Variants in PDE10A observed in about 807,000 individuals in gnomAD.
The protein encoded by PDE10A is phosphodiesterase 10A, also known as cAMP and cAMP-inhibited cGMP 3',5'-cyclic phosphodiesterase 10A.
Under a neutral mutation model 97.7 loss-of-function variants are expected in PDE10A, and 39 were observed. The observed-to-expected ratio is 0.40, with a 90% CI of 0.31 to 0.52. The LOEUF is 0.52. Ranked by LOEUF, PDE10A falls within the 20% of genes least tolerant of loss-of-function variation. The pLI is 0.56. For synonymous variants in PDE10A, 371 were observed against 376.8 expected, an observed-to-expected ratio of 0.98 and a Z score of 0.18; for missense variants, 731 against 1,047.8, an observed-to-expected ratio of 0.70 and a Z score of 4.17.
chr6:165,681,394 ATGTGTGTGTGTGTG>A (rs145137771), intron 1 of PDE10A, among the ~76,000 whole-genome samples: 2 of 150,482 alleles, frequency 1.3e-5, no homozygotes, highest in Non-Finnish European at 3.0e-5. Flanking sequence ...TCTTGGGAAA[ATGTGTGTGTGTGTG>A]TGTGTGTGTG....
chr6:165,476,056 A>G (rs373085268), intron 3 of PDE10A, among the ~76,000 whole-genome samples: 1 of 152,190 alleles, frequency 6.6e-6, no homozygotes, highest in African/African-American at 2.4e-5. Context: ...TGAATAGTAA[A>G]CAGACATAAG....
At chr6:165,354,340 A>C (rs1032226574) in intron 18 of PDE10A, among the ~76,000 whole-genome samples, 1 of 152,198 alleles carries the variant, frequency 6.6e-6, no homozygotes, top group Non-Finnish European at 1.5e-5. Context: ...AACAACCAGC[A>C]GTGGAGGCAA....
At chr6:165,873,800 A>C (rs1480003677) in intron 1 of PDE10A, among the ~76,000 whole-genome samples, 1 of 152,230 alleles carries the variant, frequency 6.6e-6, no homozygotes, top group Non-Finnish European at 1.5e-5. Context: ...ACTCACTGAA[A>C]CACATACTAT....
At chr6:165,939,228 C>T (rs2128492246) in intron 1 of PDE10A, among the ~76,000 whole-genome samples, 1 of 152,302 alleles carries the variant, frequency 6.6e-6, no homozygotes, top group African/African-American at 2.4e-5. Flanking sequence ...TCTCCAAAAC[C>T]TCTTGTTCTT....
chr6:165,525,134 C>T (rs1029846995), intron 2 of PDE10A, among the ~76,000 whole-genome samples: 2 of 152,154 alleles, frequency 1.3e-5, no homozygotes, highest in Non-Finnish European at 2.9e-5. Flanking sequence ...TCCCGGCGAG[C>T]CCCTAGAGGT....
intron 2 of PDE10A, among the ~76,000 whole-genome samples, chr6:165,532,531 AG>A (rs1048944831): frequency 2.0e-5 from 3 of 152,036 alleles, no homozygotes; most frequent in African/African-American, 7.3e-5. Flanking sequence ...GGGTTTGGAA[AG>A]GGTTCCCTGA....
chr6:165,938,749 A>G (rs1178438980), intron 1 of PDE10A, among the ~76,000 whole-genome samples: 1 of 151,372 alleles, frequency 6.6e-6, no homozygotes, highest in Non-Finnish European at 1.5e-5. Flanking sequence ...AAATAAAACA[A>G]AAACAAAACA....
chr6:165,340,779 T>C (rs1781925321), intron 19 of PDE10A, among the ~76,000 whole-genome samples: 1 of 152,108 alleles, frequency 6.6e-6, no homozygotes, highest in South Asian at 2.1e-4. Flanking sequence ...AAATGGCAGC[T>C]AGGGGCTGAG....
chr6:165,656,258 T>TCTCTCACACA (rs1365414526), intron 1 of PDE10A, among the ~76,000 whole-genome samples: 6 of 129,840 alleles, frequency 4.6e-5, no homozygotes, highest in African/African-American at 1.9e-4. Context: ...TCTCTCTCTC[T>TCTCTCACACA]CACACACACA....
intron 1 of PDE10A, among the ~76,000 whole-genome samples, chr6:165,825,174 AAAAAG>A (rs980602693): frequency 1.1e-4 from 16 of 151,384 alleles, no homozygotes; most frequent in Non-Finnish European, 1.3e-4. Flanking sequence ...AAAAAGAAAA[AAAAAG>A]AAAGGGGGGC....
chr6:165,394,347 T>G (rs1340175454), intron 15 of PDE10A, among the ~76,000 whole-genome samples: 2 of 152,164 alleles, frequency 1.3e-5, no homozygotes, highest in African/African-American at 4.8e-5. Flanking sequence ...GTTAATATGC[T>G]GAGAATGATG....
intron 1 of PDE10A, among the ~76,000 whole-genome samples, chr6:165,685,642 G>A (rs1331180209): frequency 2.6e-5 from 4 of 152,046 alleles, no homozygotes; most frequent in Non-Finnish European, 4.4e-5. Flanking sequence ...TCTTTTACCT[G>A]TGTACCCAAC....
chr6:165,565,955 G>T (rs1784756179), intron 1 of PDE10A, among the ~76,000 whole-genome samples: 1 of 152,120 alleles, frequency 6.6e-6, no homozygotes, highest in Non-Finnish European at 1.5e-5. Flanking sequence ...AGACTTAAAT[G>T]TAAAACACAA....
intron 3 of PDE10A, among the ~76,000 whole-genome samples, chr6:165,459,616 T>C (rs2128257306): frequency 6.6e-6 from 1 of 151,908 alleles, no homozygotes; most frequent in South Asian, 2.1e-4. Context: ...TGATTGCAGA[T>C]TTGGCTGCTC....
At chr6:165,599,209 T>A (rs1407861082) in intron 1 of PDE10A, among the ~76,000 whole-genome samples, 1 of 152,232 alleles carries the variant, frequency 6.6e-6, no homozygotes, top group African/African-American at 2.4e-5. Context: ...AATGCTTTGC[T>A]GAAAACAAAA....
chr6:165,582,605 C>T (rs1785679157), intron 1 of PDE10A, among the ~76,000 whole-genome samples: 1 of 150,176 alleles, frequency 6.7e-6, no homozygotes, highest in South Asian at 2.1e-4. Flanking sequence ...AAATTTGACT[C>T]AACTCAAAGG....
intron 1 of PDE10A, among the ~76,000 whole-genome samples, chr6:165,578,407 G>C (rs949584728): frequency 6.6e-6 from 1 of 152,118 alleles, no homozygotes; most frequent in Admixed American, 6.5e-5. Context: ...ACAATGCAAT[G>C]AAACAACATG....
At position 165,331,498 on chromosome 6, in the gene PDE10A, T is replaced by C. The variant is rs1039349059; in HGVS notation, c.*1527A>G. On this transcript the variant is annotated 3_prime_UTR_variant, in exon 22 of 22. Transcript: ENST00000539869. Reference sequence around the variant, plus strand: ...CAGGCTCATATGAACAAAACGCCTATGGTGGTAAATATGTAGAAGCATATT... The same window carrying C: ...CAGGCTCATATGAACAAAACGCCTACGGTGGTAAATATGTAGAAGCATATT... 3 of 152,212 alleles carry C rather than the reference T, an allele frequency of 2.0e-5. No homozygotes were observed. Among genetic ancestry groups the C allele is most frequent in the African/African-American group, 7.2e-5 (3 of 41,462 alleles). 9.4% of individuals were successfully genotyped at this position (152,212 alleles called of 1,614,324 possible).
intron 13 of PDE10A, among the ~76,000 whole-genome samples, chr6:165,408,083 T>G (rs1420774237): frequency 3.9e-5 from 6 of 152,234 alleles, no homozygotes; most frequent in African/African-American, 1.4e-4. Flanking sequence ...TGCCATTACA[T>G]TATCATGTTC....
Sources: allele counts gnomAD v4.1 joint callset (sites outside exome capture counted in the v4.1 genomes callset), GRCh38; gene constraint gnomAD v4.1.1; transcripts MANE v1.5; gene names NCBI Gene and HGNC (gene_info 2026-07-23, HGNC 2026-07-21).